Variants in TUBGCP4 observed in about 807,000 individuals in gnomAD.
TUBGCP4 encodes gamma-tubulin complex component 4.
A neutral mutation model predicts 91.6 loss-of-function variants in TUBGCP4; 54 were observed. The ratio of observed to expected loss-of-function variants is 0.59; its 90% CI spans 0.47 to 0.74. TUBGCP4 has a LOEUF of 0.74. TUBGCP4 is among the 30% of genes least tolerant of loss of function. TUBGCP4 has a pLI of 0.00. For missense variants in TUBGCP4, 593 were observed against 800.9 expected, an observed-to-expected ratio of 0.74 and a Z score of 3.13; for synonymous variants, 297 against 302.8, an observed-to-expected ratio of 0.98 and a Z score of 0.20.
At chr15:43,395,328 A>G (rs1673499969) in intron 10 of TUBGCP4, 171 bp downstream of exon 10, 6 of 758,722 alleles carry the variant, frequency 7.9e-6, no homozygotes, top group Non-Finnish European at 1.1e-5. Flanking sequence ...ACGATAATAC[A>G]AAGATTTGGG....
In TUBGCP4 at chr15:43,383,331, T is replaced by C. The variant is rs2044311628; in HGVS notation, c.550T>C (p.Tyr184His). 4 of 1,614,190 alleles carry C rather than the reference T, an allele frequency of 2.5e-6. No individual in the cohort carries two copies. The East Asian group carries it at 6.7e-5, about 27-fold the overall frequency. Reference sequence around the variant, plus strand: ...CCTGGCCGTTTGTCATGGGGTCATGTATAAACAGCTCTCAGCCTGGATGCT... The same window carrying C: ...CCTGGCCGTTTGTCATGGGGTCATGCATAAACAGCTCTCAGCCTGGATGCT... The part of the protein sequence containing the change: ...KILAVCHGVM[Y>H]KQLSAWMLHG... Residue 184 changes from tyrosine (Y) to histidine (H), a missense_variant, in exon 7 of 18, where the codon TAT becomes CAT. Transcript: ENST00000564079.
rs1206616490 is a variant in TUBGCP4, at chr15:43,398,071, G to A, written c.1310G>A (p.Arg437Gln). 6 of 1,613,666 alleles carry A rather than the reference G, an allele frequency of 3.7e-6. No individual in the cohort carries two copies. The highest frequency in any genetic ancestry group is 2.2e-5 in the East Asian group (1 of 44,868). ...ACTCAGGCAAGAGAAGGGCCTTCTC[G>A]GGAAACTTCTCCCCGGGAAGCCCCT... ...DATQAREGPS[R>Q]ETSPREAPAS... is the part of the protein sequence containing the mutation. The change falls in exon 13 of 18, where the codon CGG becomes CAG. Residue 437 changes from arginine (R) to glutamine (Q), a missense_variant. Arg to Gln is a conservative substitution (Grantham distance 43). Transcript: ENST00000564079.
chr15:43,393,701 G>GT (rs534953237), intron 9 of TUBGCP4, among the ~76,000 whole-genome samples: 4 of 151,994 alleles, frequency 2.6e-5, no homozygotes, highest in Middle Eastern at 3.2e-3. Flanking sequence ...GCGGTGTTTG[G>GT]TTTTTTGTCC....
Position 43,376,552 on chromosome 15 carries a change from T to G in TUBGCP4, c.257T>G (p.Leu86Arg), listed in dbSNP as rs370202637. The G allele has an allele frequency of 5.8e-5, 93 of 1,614,112 alleles. No homozygotes were observed. Among genetic ancestry groups the G allele is most frequent in the Non-Finnish European group, 7.7e-5 (91 of 1,180,046 alleles). The part of the protein sequence containing the change: ...QGQGGLHGIY[L>R]RAFCTGLDSV... ...CAAGGTGGGTTACATGGAATCTACCTGCGGGCCTTCTGCACAGGGCTGGAT... is the reference window on the plus strand; with the variant it reads ...CAAGGTGGGTTACATGGAATCTACCGGCGGGCCTTCTGCACAGGGCTGGAT... The change falls in exon 3 of 18, where the codon CTG becomes CGG. Residue 86 changes from leucine (L) to arginine (R), a missense_variant. Coordinates refer to ENST00000564079, the MANE Select transcript of TUBGCP4 (RefSeq NM_014444.5).
rs1371841889 is a variant in TUBGCP4 at position 43,407,986 on chromosome 15, A to G, written c.*2772A>G. 6.2e-7 allele frequency: 1 copy of G among 1,614,016 alleles called. No homozygotes were observed. Among genetic ancestry groups the G allele is most frequent in the East Asian group, 2.2e-5 (1 of 44,874 alleles). Reference sequence around the variant, plus strand: ...AATGGTGCTGCTTCACAGAGGCTGCACCACCAGTCATGAGGATCTCAGACC... The same window carrying G: ...AATGGTGCTGCTTCACAGAGGCTGCGCCACCAGTCATGAGGATCTCAGACC... On this transcript the variant is annotated 3_prime_UTR_variant, in exon 18 of 18. Coordinates refer to ENST00000564079, the MANE Select transcript of TUBGCP4 (RefSeq NM_014444.5).
chr15:43,373,505 TTAATCCTC>T (rs1296443606), intron 1 of TUBGCP4, among the ~76,000 whole-genome samples: 1 of 152,230 alleles, frequency 6.6e-6, no homozygotes, highest in African/African-American at 2.4e-5. Flanking sequence ...ATTAACTTAT[TTAATCCTC>T]ACAATTATTT....
chr15:43,393,757 C>T (rs1329850569), intron 9 of TUBGCP4, among the ~76,000 whole-genome samples: 1 of 152,080 alleles, frequency 6.6e-6, no homozygotes, highest in Non-Finnish European at 1.5e-5. Context: ...TCATCCATGT[C>T]CCTACAAAGG....
At position 43,380,087 on chromosome 15, in the gene TUBGCP4, C is replaced by G. The variant is rs2044265536; in HGVS notation, c.445C>G (p.His149Asp). 1.2e-6 allele frequency: 2 copies of G among 1,613,944 alleles called. No individual in the cohort carries two copies. Among genetic ancestry groups the G allele is most frequent in the Non-Finnish European group, 8.5e-7 (1 of 1,179,934 alleles). Reference protein sequence around the residue: ...VVEQIKSQKIHGCQILETVYK... With the variant: ...VVEQIKSQKIDGCQILETVYK... ...GACAAGGCCGTATTTTCCACAGATT[C>G]ATGGTTGTCAAATCCTGGAAACAGT... The change falls in exon 6 of 18, where the codon CAT becomes GAT. Residue 149 changes from histidine (H) to aspartate (D), a missense_variant. Transcript: ENST00000564079.
rs2045006503 is a variant in TUBGCP4 at position 43,408,632 on chromosome 15, C to T, written c.*3418C>T. The stretch of plus-strand genomic sequence containing the variant: ...CTCCTGAGCCTATATATTTTTAATG[C>T]TTGCTTAAAACTTAGTTCTCTGACT... On this transcript the variant is annotated 3_prime_UTR_variant, in exon 18 of 18. Transcript: ENST00000564079. 2.2e-6 allele frequency: 1 copy of T among 447,632 alleles called. No individual in the cohort carries two copies. 27.7% of individuals were successfully genotyped at this position (447,632 alleles called of 1,614,324 possible). A position where few individuals can be genotyped will look rare whatever the true frequency, so the allele number is the denominator to read the frequency against.
chr15:43,400,276 T>C (rs1324559102), intron 14 of TUBGCP4, 55 bp downstream of exon 14: 1 of 1,528,458 alleles, frequency 6.5e-7, no homozygotes, highest in Non-Finnish European at 9.0e-7. Context: ...TCTAGGAGGT[T>C]GGCAGGGAGT....
intron 9 of TUBGCP4, among the ~76,000 whole-genome samples, chr15:43,389,082 T>G (rs147486314): frequency 0.013 from 1,920 of 152,296 alleles, 16 homozygotes; most frequent in Middle Eastern, 0.044. Context: ...CATTTCTTGA[T>G]CTGGGTGCTG....
chr15:43,377,448 C>T (rs756068782), intron 4 of TUBGCP4: 16 of 301,964 alleles, frequency 5.3e-5, no homozygotes, highest in Admixed American at 9.5e-5. Flanking sequence ...AATGGTGAAA[C>T]CCTGTCTCTA....
intron 9 of TUBGCP4, 110 bp from the exon 10 acceptor site, chr15:43,394,997 G>A: frequency 8.6e-7 from 1 of 1,168,038 alleles, no homozygotes; most frequent in African/African-American, 1.5e-5. Context: ...TTCTATGTGG[G>A]GCAAGGTATA....
rs2044847958 is a variant in TUBGCP4, at chr15:43,405,742, TTAAAA to T, written c.*529_*533del. 1 of 152,798 alleles carries T rather than the reference TTAAAA, an allele frequency of 6.5e-6. No individual in the cohort carries two copies. The highest frequency in any genetic ancestry group is 1.5e-5 in the Non-Finnish European group (1 of 68,574). 9.5% of individuals were successfully genotyped at this position (152,798 alleles called of 1,614,324 possible). A position where few individuals can be genotyped will look rare whatever the true frequency, so the allele number is the denominator to read the frequency against. On this transcript the variant is annotated 3_prime_UTR_variant, in exon 18 of 18. Coordinates refer to ENST00000564079, the MANE Select transcript of TUBGCP4 (RefSeq NM_014444.5). Reference sequence around the variant, plus strand: ...GCAATTCTAGCTAATGAAAATATACTTAAAAGTATTTCTTAGGCCGGGCATGGTGG... The same window carrying T: ...GCAATTCTAGCTAATGAAAATATACTGTATTTCTTAGGCCGGGCATGGTGG...
chr15:43,393,196 G>C (rs1195794932), intron 9 of TUBGCP4, among the ~76,000 whole-genome samples: 3 of 149,752 alleles, frequency 2.0e-5, no homozygotes, highest in Non-Finnish European at 2.9e-5. Flanking sequence ...TAAATATTTG[G>C]GTGGCTTCCC....
chr15:43,386,071 G>T (rs1245775296), intron 8 of TUBGCP4, 115 bp downstream of exon 8: 1 of 1,521,232 alleles, frequency 6.6e-7, no homozygotes. Flanking sequence ...CCTATCCTGA[G>T]ATTGTAGCAG....
Position 43,405,436 on chromosome 15 carries a change from C to G in TUBGCP4, c.*222C>G. 1 of 595,998 alleles carries G rather than the reference C, an allele frequency of 1.7e-6. No individual in the cohort carries two copies. The highest frequency in any genetic ancestry group is 3.0e-6 in the Non-Finnish European group (1 of 335,046). The allele number at this position is 595,998 out of a possible 1,614,324, so 36.9% of individuals were successfully genotyped here. ...CCATCAAGGAGAACATGTGGCATCT[C>G]TGATCCTTTACATTGAGAACATTTG... On this transcript the variant is annotated 3_prime_UTR_variant, in exon 18 of 18. Coordinates refer to ENST00000564079, the MANE Select transcript of TUBGCP4 (RefSeq NM_014444.5).
At chr15:43,404,948 C>G in intron 17 of TUBGCP4, 1 of 533,150 alleles carries the variant, frequency 1.9e-6, no homozygotes, top group Non-Finnish European at 3.3e-6. Flanking sequence ...TTAAAAAAAA[C>G]TGATACCGAG....
intron 14 of TUBGCP4, among the ~76,000 whole-genome samples, chr15:43,400,747 C>T (rs947777116): frequency 6.6e-6 from 1 of 152,004 alleles, no homozygotes; most frequent in African/African-American, 2.4e-5. Context: ...GAAACACCAT[C>T]TCTACTAAAA....
Sources: gnomAD v4.1 joint callset for allele counts (sites outside exome capture counted in the v4.1 genomes callset) on GRCh38, gnomAD v4.1.1 for gene constraint, MANE v1.5 for transcripts, NCBI Gene and HGNC (gene_info 2026-07-23, HGNC 2026-07-21) for gene names.